Variants in DENND4A observed in about 807,000 individuals in gnomAD.
The protein encoded by DENND4A is DENN domain containing 4A.
In DENND4A, 70 loss-of-function variants were observed where a neutral mutation model predicts 199.3. That is an observed-to-expected ratio of 0.35 (90% CI 0.29 to 0.43). DENND4A has a LOEUF of 0.43. Among genes scored for constraint, DENND4A ranks in the 20% least tolerant of loss-of-function variants. The probability of loss-of-function intolerance (pLI) is 1.00; values close to 1 mark genes in which losing one functional copy is unlikely to be tolerated. For missense variants in DENND4A, 1,723 were observed against 2,255.8 expected, an observed-to-expected ratio of 0.76 and a Z score of 4.78; for synonymous variants, 686 against 766.9, an observed-to-expected ratio of 0.89 and a Z score of 1.74.
chr15:65,777,208 T>C (rs1262711058), intron 1 of DENND4A, among the ~76,000 whole-genome samples: 3 of 152,200 alleles, frequency 2.0e-5, no homozygotes. Context: ...GCCTGGGTTA[T>C]AAATTTCCAG....
At chr15:65,745,939 G>T (rs1209523516) in intron 4 of DENND4A, among the ~76,000 whole-genome samples, 3 of 151,624 alleles carry the variant, frequency 2.0e-5, no homozygotes, top group Non-Finnish European at 4.4e-5. Context: ...TTTGAGACCG[G>T]CCTGGCCAAC....
chr15:65,789,508 TTA>T (rs1491132236), intron 1 of DENND4A, among the ~76,000 whole-genome samples: 2 of 131,130 alleles, frequency 1.5e-5, no homozygotes, highest in African/African-American at 2.8e-5. Context: ...GGGTATTAGA[TTA>T]AAAAAAAAAA....
intron 22 of DENND4A, among the ~76,000 whole-genome samples, chr15:65,694,449 C>CA (rs34568814): frequency 2.5e-3 from 328 of 130,304 alleles, no homozygotes; most frequent in Middle Eastern, 4.0e-3. Context: ...ACTCTGTCTC[C>CA]AAAAAAAAAA....
At chr15:65,746,933 TAAA>T (rs79912609) in intron 4 of DENND4A, among the ~76,000 whole-genome samples, 2 of 128,480 alleles carry the variant, frequency 1.6e-5, no homozygotes, top group African/African-American at 2.9e-5. Context: ...CTGTCTCTAC[TAAA>T]AAAAAAAAAA....
At chr15:65,710,928 GGCTTTCT>G (rs1406714428) in intron 14 of DENND4A, among the ~76,000 whole-genome samples, 3 of 152,182 alleles carry the variant, frequency 2.0e-5, no homozygotes, top group Non-Finnish European at 4.4e-5. Context: ...GGCTCCCCGT[GGCTTTCT>G]GCCATAACTG....
chr15:65,752,699 T>A (rs1425050468), intron 3 of DENND4A, 71 bp from the exon 4 acceptor site: 2 of 982,052 alleles, frequency 2.0e-6, no homozygotes, highest in Non-Finnish European at 2.9e-6. Context: ...TCAGGCATCA[T>A]CAACTGATCC....
Position 65,676,500 on chromosome 15 carries a change from C to A in DENND4A, c.4314G>T (p.Gly1438=). The change falls in exon 24 of 33, where the codon GGG becomes GGT. Residue 1438 remains glycine (G), a synonymous_variant. Transcript: ENST00000443035. ...ISSQETSATS[G]TKRIDLSRIS... is the part of the protein sequence containing the mutation. The stretch of plus-strand genomic sequence containing the variant: ...TTCGGCTGAGATCAATTCTCTTAGT[C>A]CCTGAAGTAGCACTGGTCTCTTGAG... The A allele has an allele frequency of 6.2e-7, 1 of 1,613,322 alleles. No homozygotes were observed. The highest frequency in any genetic ancestry group is 8.5e-7 in the Non-Finnish European group (1 of 1,179,578).
chr15:65,753,896 A>G (rs1315333913), intron 3 of DENND4A: 1 of 143,628 alleles, frequency 7.0e-6, no homozygotes, highest in East Asian at 2.1e-4. Context: ...GTGCAATGGC[A>G]TGATCTTCGC....
chr15:65,698,701 A>G (rs1036771054), intron 20 of DENND4A, among the ~76,000 whole-genome samples: 2 of 130,136 alleles, frequency 1.5e-5, no homozygotes, highest in African/African-American at 2.8e-5. Flanking sequence ...TGCTTTTATT[A>G]GGTTTTACAC....
chr15:65,672,141 C>T (rs7167657), intron 24 of DENND4A, among the ~76,000 whole-genome samples: 85,209 of 152,054 alleles, frequency 0.56, 26,327 homozygotes, highest in African/African-American at 0.83. Context: ...TACTGACTTA[C>T]TAAAGCACTT....
chr15:65,737,934 A>C lies in DENND4A; in HGVS notation c.813T>G (p.Ala271=). 6.3e-7 allele frequency: 1 copy of C among 1,586,356 alleles called. No homozygotes were observed. Among genetic ancestry groups the C allele is most frequent in the South Asian group, 1.1e-5 (1 of 87,160 alleles). ...TGASAEKVYG[A]AIQFYEPYSE... ...AGTATGGTTCATAAAACTGAATAGC[A>C]GCACCATAAACCTGCAAAACAAGTA... Residue 271 remains alanine, a synonymous_variant, in exon 7 of 33, where the codon GCT becomes GCG. Coordinates refer to ENST00000443035, the MANE Select transcript of DENND4A (RefSeq NM_001320835.1).
At chr15:65,723,731 T>C (rs1329680110) in intron 11 of DENND4A, among the ~76,000 whole-genome samples, 2 of 152,170 alleles carry the variant, frequency 1.3e-5, no homozygotes, top group Non-Finnish European at 2.9e-5. Flanking sequence ...ATAACAATAA[T>C]TTATAATAAA....
In DENND4A at chr15:65,691,066, T is replaced by C. The variant is rs1443609468; in HGVS notation, c.3528A>G (p.Val1176=). The C allele has an allele frequency of 1.9e-6, 3 of 1,613,096 alleles. No individual in the cohort carries two copies. Among genetic ancestry groups the C allele is most frequent in the Non-Finnish European group, 2.5e-6 (3 of 1,179,508 alleles). The change falls in exon 23 of 33, where the codon GTA becomes GTG. Residue 1176 remains valine, a synonymous_variant. Transcript: ENST00000443035. The part of the protein sequence containing the change: ...DLEDLDSETD[V]SKAGCVATQN... The stretch of plus-strand genomic sequence containing the variant: ...GTGTAGCAACACATCCTGCTTTTGA[T>C]ACATCTGTTTCACTGTCTAAGTCTT...
At chr15:65,772,974 T>C (rs541465093) in intron 1 of DENND4A, among the ~76,000 whole-genome samples, 2 of 114,434 alleles carry the variant, frequency 1.7e-5, no homozygotes, top group African/African-American at 6.7e-5. Context: ...TTGAGAACCA[T>C]GGGAAATCAA....
intron 1 of DENND4A, among the ~76,000 whole-genome samples, chr15:65,781,472 G>C (rs1189402708): frequency 6.6e-6 from 1 of 152,160 alleles, no homozygotes; most frequent in African/African-American, 2.4e-5. Context: ...GAACAAGGAT[G>C]CTGGGGAAGT....
chr15:65,682,229 TA>T (rs1311900932), intron 23 of DENND4A, among the ~76,000 whole-genome samples: 3 of 152,206 alleles, frequency 2.0e-5, no homozygotes, highest in Admixed American at 2.0e-4. Context: ...CTTCTTCCAA[TA>T]CAGGGCTGTT....
chr15:65,769,191 TAAGG>T (rs2077062898), intron 1 of DENND4A, among the ~76,000 whole-genome samples: 1 of 129,156 alleles, frequency 7.7e-6, no homozygotes, highest in Non-Finnish European at 1.6e-5. Flanking sequence ...TCCTAGCATA[TAAGG>T]TATACACACA....
rs541503127 is a variant in DENND4A at position 65,736,208 on chromosome 15, A to G, written c.1040+1499T>C. 4.6e-5 allele frequency among the ~76,000 whole-genome samples: 7 copies of G among 152,272 alleles called. No individual in the cohort carries two copies. The South Asian group carries it at 1.5e-3, about 32-fold the overall frequency. On this transcript the variant is annotated intron_variant, in intron 7 of 32. Transcript: ENST00000443035. The stretch of plus-strand genomic sequence containing the variant: ...GACCAATGCACAATGCTACAAAATA[A>G]TGCATAAGTGAAAGTTCCACCCAAA...
intron 17 of DENND4A, 104 bp from the exon 18 acceptor site, chr15:65,701,994 G>A (rs1410097350): frequency 1.0e-5 from 15 of 1,479,536 alleles, no homozygotes; most frequent in Non-Finnish European, 1.3e-5. Context: ...AGGGCACAGT[G>A]GCTCATGCCT....
Sources: allele counts gnomAD v4.1 joint callset (sites outside exome capture counted in the v4.1 genomes callset), GRCh38; gene constraint gnomAD v4.1.1; transcripts MANE v1.5; gene names NCBI Gene and HGNC (gene_info 2026-07-23, HGNC 2026-07-21).